Variants in MAVS observed in about 807,000 individuals in gnomAD.
The protein encoded by MAVS is mitochondrial antiviral signaling protein, also known as mitochondrial antiviral-signaling protein.
A neutral mutation model predicts 30.2 loss-of-function variants in MAVS; 20 were observed. The ratio of observed to expected loss-of-function variants is 0.66; its 90% CI spans 0.47 to 0.96. The LOEUF is 0.96. Among genes scored for constraint, MAVS ranks in the 40% least tolerant of loss-of-function variants. The pLI, the probability that MAVS is intolerant of heterozygous loss-of-function variation, is 0.00. For synonymous variants in MAVS, 278 were observed against 293.9 expected (o/e 0.95, Z 0.55); for missense variants, 624 against 701.1 (o/e 0.89, Z 1.24).
Position 3,864,501 on chromosome 20 carries a change from G to A in MAVS, c.871G>A (p.Ala291Thr). 6.2e-7 allele frequency: 1 copy of A among 1,614,064 alleles called. No individual in the cohort carries two copies. The highest frequency in any genetic ancestry group is 8.5e-7 in the Non-Finnish European group (1 of 1,180,032). ...CTGCTCCAGTGGGGCAGAGGCACCT[G>A]CCAACTCTCTGCCCTCCAAAGTGCC... ...IICSSGAEAP[A>T]NSLPSKVPTT... The change falls in exon 6 of 7, where the codon GCC becomes ACC. Residue 291 changes from alanine (A) to threonine (T), a missense_variant. Transcript: ENST00000428216.
chr20:3,862,612 A>AT (rs56981927), intron 5 of MAVS, among the ~76,000 whole-genome samples, 199 bp downstream of exon 5: 18,467 of 150,702 alleles, frequency 0.12, 1,355 homozygotes, highest in Non-Finnish European at 0.17. Flanking sequence ...AGTTTTCCAA[A>AT]TTTTTTTTTT....
At position 3,865,868 on chromosome 20, in the gene MAVS, C is replaced by T. The variant is rs1309501512; in HGVS notation, c.1344C>T (p.Gly448=). The T allele has an allele frequency of 2.5e-6, 4 of 1,614,090 alleles. No homozygotes were observed. In the South Asian group the frequency reaches 3.3e-5, roughly 13 times the overall value. ...DLAISASTSL[G]MGPCHGPEEN... is the part of the protein sequence containing the mutation. ...CCATCAGTGCCAGCACCTCCTTGGGCATGGGGCCCTGCCATGGCCCAGAGG... is the reference window on the plus strand; with the variant it reads ...CCATCAGTGCCAGCACCTCCTTGGGTATGGGGCCCTGCCATGGCCCAGAGG... The change falls in exon 7 of 7, where the codon GGC becomes GGT. Residue 448 remains glycine, a synonymous_variant. Transcript: ENST00000428216. This position sits in a 1 kb window ranked among gnomAD's most constrained non-coding sequence, Gnocchi z 4.7.
intron 1 of MAVS, among the ~76,000 whole-genome samples, chr20:3,850,134 G>A (rs1231473101): frequency 1.3e-5 from 2 of 151,570 alleles, no homozygotes; most frequent in Non-Finnish European, 1.5e-5. Flanking sequence ...AAAATTAGCC[G>A]AGCGTGGTAG....
chr20:3,873,994 G>T lies in MAVS; in HGVS notation c.*7847G>T. On this transcript the variant is annotated 3_prime_UTR_variant, in exon 7 of 7. Transcript: ENST00000428216. ...ACACGCTGACTGTAGCCCCAAACCT[G>T]AAACAACCCAAATGTCCATCCACCA... 2.5e-6 allele frequency: 1 copy of T among 396,672 alleles called. No homozygotes were observed. 24.6% of individuals were successfully genotyped at this position (396,672 alleles called of 1,614,324 possible).
chr20:3,846,856 TG>T lies in MAVS; in HGVS notation c.-112del, dbSNP rs1448226244. 1 of 152,422 alleles carries T rather than the reference TG, an allele frequency of 6.6e-6. No individual in the cohort carries two copies. The highest frequency in any genetic ancestry group is 1.5e-5 in the Non-Finnish European group (1 of 68,214). 9.4% of individuals were successfully genotyped at this position (152,422 alleles called of 1,614,324 possible). On this transcript the variant is annotated 5_prime_UTR_variant, in exon 1 of 7. Transcript: ENST00000428216. ...CGCCTCCTCGCTGCGGGAAGGGTCC[TG>T]GGCCCCGGGCGGCGGTCGCCAGGTC...
rs1196349344 is a variant in MAVS at position 3,861,399 on chromosome 20, C to A, written c.360C>A (p.Pro120=). 1.2e-6 allele frequency: 2 copies of A among 1,614,108 alleles called. No individual in the cohort carries two copies. Among genetic ancestry groups the A allele is most frequent in the Non-Finnish European group, 8.5e-7 (1 of 1,180,008 alleles). Residue 120 remains proline, a synonymous_variant, in exon 4 of 7, where the codon CCC becomes CCA. Coordinates refer to ENST00000428216, the MANE Select transcript of MAVS (RefSeq NM_020746.5). ...TTCCTGCTGAGAGGCCAGGGCCCCC[C>A]ACACCTGCTGCGGCCCACAGCATCC... ...PSLPAERPGP[P]TPAAAHSIPY...
At chr20:3,850,630 T>C (rs1206670476) in intron 1 of MAVS, among the ~76,000 whole-genome samples, 2 of 144,100 alleles carry the variant, frequency 1.4e-5, no homozygotes, top group Non-Finnish European at 3.0e-5. Context: ...CTCACGCCTG[T>C]AATCCCAGCA....
At position 3,851,738 on chromosome 20, in the gene MAVS, CT is replaced by C. The variant is rs1166463970; in HGVS notation, c.-67-2819del. 2.0e-4 allele frequency among the ~76,000 whole-genome samples: 30 copies of C among 151,908 alleles called. No individual in the cohort carries two copies. The South Asian group carries it at 5.7e-3, about 29-fold the overall frequency. ...TGGGAGGCCAAGGCAGGCAGATCAT[CT>C]GAGGTCAGGAGTTCAAGACCAGCCT... On this transcript the variant is annotated intron_variant, in intron 1 of 6. Coordinates refer to ENST00000428216, the MANE Select transcript of MAVS (RefSeq NM_020746.5).
At chr20:3,859,439 T>G (rs1467011387) in intron 3 of MAVS, among the ~76,000 whole-genome samples, 89 of 145,576 alleles carry the variant, frequency 6.1e-4, no homozygotes, top group African/African-American at 2.1e-3. Flanking sequence ...ACCGGGGAGG[T>G]GGAGGTTGCA....
intron 3 of MAVS, among the ~76,000 whole-genome samples, chr20:3,859,819 C>G (rs1453129502): frequency 6.6e-6 from 1 of 151,828 alleles, no homozygotes; most frequent in Non-Finnish European, 1.5e-5. Flanking sequence ...TGATGCTTGT[C>G]ACTCCTTTTT....
rs1293485192 is a variant in MAVS, at chr20:3,865,831, T to G, written c.1307T>G (p.Phe436Cys). The G allele has an allele frequency of 6.2e-7, 1 of 1,613,882 alleles. No individual in the cohort carries two copies. Among genetic ancestry groups the G allele is most frequent in the African/African-American group, 1.3e-5 (1 of 74,928 alleles). The change falls in exon 7 of 7, where the codon TTC becomes TGC. Residue 436 changes from phenylalanine (F) to cysteine (C), a missense_variant. Transcript: ENST00000428216. This position sits in a 1 kb window ranked among gnomAD's most constrained non-coding sequence, Gnocchi z 4.7. Reference protein sequence around the residue: ...SQVDSPFSGCFEDLAISASTS... With the variant: ...SQVDSPFSGCCEDLAISASTS... Reference sequence around the variant, plus strand: ...GTAGACAGCCCGTTCTCGGGCTGCTTCGAGGATCTTGCCATCAGTGCCAGC... The same window carrying G: ...GTAGACAGCCCGTTCTCGGGCTGCTGCGAGGATCTTGCCATCAGTGCCAGC...
intron 1 of MAVS, among the ~76,000 whole-genome samples, chr20:3,853,219 G>C (rs1380052137): frequency 1.4e-5 from 2 of 142,090 alleles, no homozygotes; most frequent in Non-Finnish European, 3.1e-5. Flanking sequence ...GGGCGCGGTG[G>C]CTCACGCCTG....
intron 2 of MAVS, among the ~76,000 whole-genome samples, chr20:3,855,078 A>G (rs2089798639): frequency 6.6e-6 from 1 of 150,876 alleles, no homozygotes; most frequent in African/African-American, 2.4e-5. Context: ...TTTAATAGAG[A>G]CGGGGTTTCA....
chr20:3,851,990 C>CTTTTTTTTTTTTTTTTTTTTTTTTTTT (rs770960832), intron 1 of MAVS, among the ~76,000 whole-genome samples: 2 of 80,486 alleles, frequency 2.5e-5, no homozygotes, highest in African/African-American at 2.4e-4. Flanking sequence ...GTGTAGCAGG[C>CTTTTTTTTTTTTTTTTTTTTTTTTTTT]TTTTTTTTTT....
chr20:3,858,079 A>T, intron 3 of MAVS: 1 of 509,102 alleles, frequency 2.0e-6, no homozygotes, highest in Non-Finnish European at 3.6e-6. Flanking sequence ...AGTGGGTGAT[A>T]CTGCGGGACG....
intron 1 of MAVS, among the ~76,000 whole-genome samples, chr20:3,851,317 G>C (rs1427786663): frequency 6.7e-6 from 1 of 149,722 alleles, no homozygotes; most frequent in Admixed American, 6.7e-5. Flanking sequence ...AACAGAGCGA[G>C]ACTCTTTCTC....
At chr20:3,854,891 CT>C (rs61256246) in intron 2 of MAVS, 150 bp downstream of exon 2, 24,908 of 302,268 alleles carry the variant, frequency 0.082, 1 homozygote, top group South Asian at 0.11. Context: ...TGCTGCTTTT[CT>C]TTTTTTTTTT....
intron 5 of MAVS, among the ~76,000 whole-genome samples, chr20:3,863,004 A>G (rs1185690625): frequency 1.3e-5 from 2 of 152,264 alleles, no homozygotes. Context: ...GGTGGAGATG[A>G]GCGAGATAAG....
intron 1 of MAVS, among the ~76,000 whole-genome samples, chr20:3,849,539 G>A (rs1460806339): frequency 6.6e-6 from 1 of 152,120 alleles, no homozygotes; most frequent in African/African-American, 2.4e-5. Flanking sequence ...ACACTGACCT[G>A]CTTTCTATTC....
Sources: gnomAD v4.1 joint callset for allele counts (sites outside exome capture counted in the v4.1 genomes callset) on GRCh38, gnomAD v4.1.1 for gene constraint, Gnocchi (gnomAD v3.1) non-coding constraint, MANE v1.5 for transcripts, NCBI Gene and HGNC (gene_info 2026-07-23, HGNC 2026-07-21) for gene names.